Variants in ARHGAP24 observed in about 807,000 individuals in gnomAD.
ARHGAP24 encodes Rho GTPase activating protein 24.
ARHGAP24 carries 50 observed loss-of-function variants against 76.4 expected under a neutral mutation model. The observed-to-expected ratio is 0.65, with a 90% confidence interval of 0.52 to 0.83. The LOEUF (loss-of-function observed/expected upper bound fraction) is 0.83, where lower values mean the gene tolerates loss of function less well. Among genes scored for constraint, ARHGAP24 ranks in the 40% least tolerant of loss-of-function variants. The pLI is 0.00. For missense variants in ARHGAP24, 930 were observed against 914.2 expected (o/e 1.02, Z -0.22); for synonymous variants, 345 against 323.3 (o/e 1.07, Z -0.72).
At chr4:85,872,760 G>A (rs1177298953) in intron 3 of ARHGAP24, among the ~76,000 whole-genome samples, 1 of 150,384 alleles carries the variant, frequency 6.6e-6, no homozygotes, top group African/African-American at 2.5e-5. Context: ...ACCATGCCCG[G>A]CTAACTTTTG....
At chr4:85,735,466 TTTA>T (rs1330632654) in intron 3 of ARHGAP24, among the ~76,000 whole-genome samples, 1 of 152,332 alleles carries the variant, frequency 6.6e-6, no homozygotes, top group East Asian at 1.9e-4. Context: ...TTGATTACAT[TTTA>T]ATCCTCATAA....
At chr4:85,854,141 A>G (rs1731416348) in intron 3 of ARHGAP24, among the ~76,000 whole-genome samples, 1 of 141,952 alleles carries the variant, frequency 7.0e-6, no homozygotes, top group South Asian at 2.1e-4. Flanking sequence ...GTCTCAAAAA[A>G]AAAAAAAAAA....
chr4:85,669,250 A>T (rs1179273521), intron 2 of ARHGAP24, among the ~76,000 whole-genome samples: 1 of 146,772 alleles, frequency 6.8e-6, no homozygotes, highest in African/African-American at 2.4e-5. Flanking sequence ...TAGAGAAACA[A>T]CATGATGTTA....
chr4:85,904,982 G>C (rs148244174), intron 3 of ARHGAP24, among the ~76,000 whole-genome samples: 102 of 152,252 alleles, frequency 6.7e-4, no homozygotes, highest in African/African-American at 2.0e-3. Flanking sequence ...TTTAATTGTA[G>C]AATGAAACCT....
chr4:85,942,233 C>G lies in ARHGAP24; in HGVS notation c.559C>G (p.Gln187Glu). Residue 187 changes from glutamine to glutamate, a missense_variant, in exon 5 of 10, where the codon CAA becomes GAA. By Grantham distance (29) the Gln-to-Glu change is conservative (BLOSUM62 2). Transcript: ENST00000395184. The part of the protein sequence containing the change: ...PGQANLVKEL[Q>E]DAFDCGEKPS... ...CCAGGCTAATCTTGTTAAGGAGCTC[C>G]AAGATGCCTTTGACTGTGGGGAGAA... 6.2e-7 allele frequency: 1 copy of G among 1,614,014 alleles called. No individual in the cohort carries two copies. The highest frequency in any genetic ancestry group is 8.5e-7 in the Non-Finnish European group (1 of 1,179,990).
At chr4:85,533,329 A>C (rs188448998) in intron 1 of ARHGAP24, among the ~76,000 whole-genome samples, 13 of 152,324 alleles carry the variant, frequency 8.5e-5, no homozygotes, top group African/African-American at 3.1e-4. Context: ...AAGCTAGATA[A>C]GTATACTTTG....
At chr4:85,643,242 T>G (rs1454174821) in intron 2 of ARHGAP24, among the ~76,000 whole-genome samples, 177 of 3,142 alleles carry the variant, frequency 0.056, 7 homozygotes, top group African/African-American at 0.17. Flanking sequence ...GTGTTTTTTT[T>G]TTTTTTTTTT....
At chr4:85,767,556 C>G (rs1265080657) in intron 3 of ARHGAP24, among the ~76,000 whole-genome samples, 2 of 151,950 alleles carry the variant, frequency 1.3e-5, no homozygotes, top group African/African-American at 4.8e-5. Flanking sequence ...CAGAGCATCC[C>G]AACAGCAACA....
In ARHGAP24 at chr4:85,908,735, T is replaced by G. The variant is rs528233185; in HGVS notation, c.269-14913T>G. On this transcript the variant is annotated intron_variant, in intron 3 of 9. Coordinates refer to ENST00000395184, the MANE Select transcript of ARHGAP24 (RefSeq NM_001025616.3). Reference sequence around the variant, plus strand: ...CCCTGTAGAAAAGTCTTCTAAAGAGTAGTGAGTTTTGGTCAAAATACAGAG... The same window carrying G: ...CCCTGTAGAAAAGTCTTCTAAAGAGGAGTGAGTTTTGGTCAAAATACAGAG... 6.6e-5 allele frequency among the ~76,000 whole-genome samples: 10 copies of G among 151,588 alleles called. No homozygotes were observed. The South Asian group carries it at 8.4e-4, about 13-fold the overall frequency.
intron 3 of ARHGAP24, among the ~76,000 whole-genome samples, chr4:85,809,816 T>C (rs1728936312): frequency 6.6e-6 from 1 of 152,224 alleles, no homozygotes; most frequent in African/African-American, 2.4e-5. Flanking sequence ...GTGTGCCTAA[T>C]TAAGGGATTT....
intron 3 of ARHGAP24, among the ~76,000 whole-genome samples, chr4:85,790,344 T>TG (rs1728060971): frequency 6.6e-6 from 1 of 152,196 alleles, no homozygotes; most frequent in South Asian, 2.1e-4. Context: ...AACTGTATCT[T>TG]GCACCAAAAC....
At chr4:85,998,995 A>G (rs1290009368) in intron 9 of ARHGAP24, among the ~76,000 whole-genome samples, 1 of 152,184 alleles carries the variant, frequency 6.6e-6, no homozygotes, top group Non-Finnish European at 1.5e-5. Flanking sequence ...GTTTTATTTT[A>G]ACCTTGATGA....
chr4:85,930,685 A>G, intron 4 of ARHGAP24: 3 of 1,187,924 alleles, frequency 2.5e-6, no homozygotes, highest in Non-Finnish European at 3.1e-6. Context: ...AAAAAAAGAA[A>G]AAAAAAACCT....
At chr4:85,480,680 T>G (rs1022335065) in intron 1 of ARHGAP24, among the ~76,000 whole-genome samples, 1 of 152,180 alleles carries the variant, frequency 6.6e-6, no homozygotes, top group Non-Finnish European at 1.5e-5. Flanking sequence ...TTCTCTGTAG[T>G]GCTTTTATAA....
chr4:85,520,824 C>T (rs190028141), intron 1 of ARHGAP24, among the ~76,000 whole-genome samples: 1 of 152,180 alleles, frequency 6.6e-6, no homozygotes, highest in African/African-American at 2.4e-5. Context: ...TTTTCTACTG[C>T]AAAGAATGAT....
chr4:85,810,613 T>C (rs1728970889), intron 3 of ARHGAP24, among the ~76,000 whole-genome samples: 1 of 152,186 alleles, frequency 6.6e-6, no homozygotes, highest in African/African-American at 2.4e-5. Flanking sequence ...AAATCTTTTG[T>C]CCTCAAATGT....
At chr4:85,895,001 C>G (rs145429922) in intron 3 of ARHGAP24, among the ~76,000 whole-genome samples, 10 of 54,336 alleles carry the variant, frequency 1.8e-4, no homozygotes, top group Non-Finnish European at 2.1e-4. Context: ...AAACAAAAAG[C>G]AAAAAAAAAA....
At position 86,001,397 on chromosome 4, in the gene ARHGAP24, G is replaced by C. The variant is rs1261912535; in HGVS notation, c.*675G>C. On this transcript the variant is annotated 3_prime_UTR_variant, in exon 10 of 10. Coordinates refer to ENST00000395184, the MANE Select transcript of ARHGAP24 (RefSeq NM_001025616.3). Reference sequence around the variant, plus strand: ...AGGCGATTTGACATAGGAACTTTGAGACTCCATGAGAAAGTCCCTTTCTGA... The same window carrying C: ...AGGCGATTTGACATAGGAACTTTGACACTCCATGAGAAAGTCCCTTTCTGA... The C allele has an allele frequency of 2.5e-6, 1 of 398,852 alleles. No individual in the cohort carries two copies. The highest frequency in any genetic ancestry group is 4.4e-6 in the Non-Finnish European group (1 of 226,104). 24.7% of individuals were successfully genotyped at this position (398,852 alleles called of 1,614,324 possible). A position where few individuals can be genotyped will look rare whatever the true frequency, so the allele number is the denominator to read the frequency against.
chr4:85,557,822 A>T (rs1271045399), intron 1 of ARHGAP24, among the ~76,000 whole-genome samples: 1 of 152,044 alleles, frequency 6.6e-6, no homozygotes, highest in Non-Finnish European at 1.5e-5. Flanking sequence ...AGAAGACTAC[A>T]TATTCTTAGT....
Sources: gnomAD v4.1 joint callset for allele counts (sites outside exome capture counted in the v4.1 genomes callset) on GRCh38, gnomAD v4.1.1 for gene constraint, MANE v1.5 for transcripts, NCBI Gene and HGNC (gene_info 2026-07-23, HGNC 2026-07-21) for gene names.